TPO: variants seen among roughly 807,000 people sequenced by gnomAD.
TPO encodes the protein thyroid microsomal antigen.
In TPO, 78 loss-of-function variants were observed where a neutral mutation model predicts 96.9. The observed-to-expected ratio is 0.81, with a 90% CI of 0.67 to 0.97. The LOEUF (loss-of-function observed/expected upper bound fraction) is 0.97, where lower values mean the gene tolerates loss of function less well. Among genes scored for constraint, TPO ranks in the 50% least tolerant of loss-of-function variants. The pLI is 0.00. For synonymous variants in TPO, 547 were observed against 538.0 expected (o/e 1.02, Z -0.23); for missense variants, 1,252 against 1,274.8 (o/e 0.98, Z 0.27).
In TPO at chr2:1,496,729, C is replaced by A; in HGVS notation, c.2350C>A (p.Gln784Lys). The A allele has an allele frequency of 1.2e-6, 2 of 1,614,110 alleles. No individual in the cohort carries two copies. Among genetic ancestry groups the A allele is most frequent in the Non-Finnish European group, 1.7e-6 (2 of 1,180,024 alleles). Residue 784 changes from glutamine to lysine, a missense_variant, in exon 13 of 17, where the codon CAG (glutamine) becomes AAG (lysine). Transcript: ENST00000329066. Reference protein sequence around the residue: ...LQGREQLTCTQEGWDFQPPLC... With the variant: ...LQGREQLTCTKEGWDFQPPLC... Reference sequence around the variant, plus strand: ...AGGCCGGGAGCAGCTCACTTGCACCCAGGAAGGATGGGATTTCCAGCCTCC... The same window carrying A: ...AGGCCGGGAGCAGCTCACTTGCACCAAGGAAGGATGGGATTTCCAGCCTCC...
At chr2:1,418,638 C>T (rs943359520) in intron 2 of TPO, among the ~76,000 whole-genome samples, 9 of 152,230 alleles carry the variant, frequency 5.9e-5, no homozygotes, top group Admixed American at 1.3e-4. Context: ...GTGTATTCAT[C>T]ACCACACAGG....
intron 3 of TPO, among the ~76,000 whole-genome samples, chr2:1,426,872 A>C (rs1664467847): frequency 1.3e-5 from 2 of 152,230 alleles, no homozygotes; most frequent in African/African-American, 4.8e-5. Flanking sequence ...TTTCTAAATA[A>C]TAATATCCAA....
rs1013395098 is a variant in TPO, at chr2:1,433,480, G to A, written c.222G>A (p.Leu74=). 1.2e-6 allele frequency: 2 copies of A among 1,614,078 alleles called. No homozygotes were observed. The highest frequency in any genetic ancestry group is 1.7e-6 in the Non-Finnish European group (2 of 1,180,038). ...KRGILSPAQL[L]SFSKLPEPTS... ...GAATCCTTTCTCCAGCTCAGCTTCT[G>A]TCTTTTTCCAAACTTCCTGAGCCAA... The change falls in exon 4 of 17, where the codon CTG becomes CTA. Residue 74 remains leucine (L), a synonymous_variant. Transcript: ENST00000329066.
chr2:1,403,240 C>T (rs1348926786), intron 1 of TPO, among the ~76,000 whole-genome samples: 2 of 152,150 alleles, frequency 1.3e-5, no homozygotes, highest in Admixed American at 1.3e-4. Context: ...GTCCGGGGTG[C>T]AGGGCAAGGC....
Position 1,472,827 on chromosome 2 carries a change from C to CAAAAAAAA in TPO, c.820-4242_820-4235dup, listed in dbSNP as rs34064729. Among the ~76,000 whole-genome samples the CAAAAAAAA allele has an allele frequency of 5.4e-4, 26 of 48,334 alleles. 2 individuals are homozygous for CAAAAAAAA. The highest frequency in any genetic ancestry group is 1.3e-3 in the South Asian group (1 of 772). The allele number at this position is 48,334 out of a possible 152,430, so 31.7% of individuals were successfully genotyped here. A position where few individuals can be genotyped will look rare whatever the true frequency, so the allele number is the denominator to read the frequency against. ...TCATTTTTTTCTGCTTGTTTGGCGGCAAAAAAAAAAAAAAAAAAAAAAAAG... is the reference window on the plus strand; with the variant it reads ...TCATTTTTTTCTGCTTGTTTGGCGGCAAAAAAAAAAAAAAAAAAAAAAAAAAAAAAAAG... On this transcript the variant is annotated intron_variant, in intron 7 of 16. Transcript: ENST00000329066.
chr2:1,514,122 C>T (rs11891867), intron 14 of TPO, among the ~76,000 whole-genome samples: 27,674 of 152,044 alleles, frequency 0.18, 2,603 homozygotes, highest in African/African-American at 0.23. Flanking sequence ...GCTGGCGGGG[C>T]AGTTCCAGTC....
rs564167142 is a variant in TPO, at chr2:1,398,201, A to C, written n.180+23799A>C. 2.0e-5 allele frequency among the ~76,000 whole-genome samples: 3 copies of C among 152,256 alleles called. No individual in the cohort carries two copies. In the East Asian group the frequency reaches 5.8e-4, roughly 29 times the overall value. ...TGTCTTTTCCCCACTCTCTGCTGGC[A>C]TCTCCCCATCAGTCCTAGGGGAACC... is the stretch of plus-strand genomic sequence containing the variant. On this transcript the variant is annotated intron_variant and non_coding_transcript_variant, in intron 1 of 5. Transcript: ENST00000497517.
rs759174386 is a variant in TPO, at chr2:1,477,196, G to A, written c.930G>A (p.Thr310=). 5 of 1,609,824 alleles carry A rather than the reference G, an allele frequency of 3.1e-6. No homozygotes were observed. Among genetic ancestry groups the A allele is most frequent in the African/African-American group, 1.3e-5 (1 of 74,902 alleles). The stretch of plus-strand genomic sequence containing the variant: ...GCGCGCTCTTTGGGAACCTGTCCAC[G>A]GCCAACCCGCGGCAGCAGATGAACG... ...DQGALFGNLS[T]ANPRQQMNGL... is the part of the protein sequence containing the mutation. Residue 310 remains threonine, a synonymous_variant, in exon 8 of 17, where the codon ACG becomes ACA. Coordinates refer to ENST00000329066, the MANE Select transcript of TPO (RefSeq NM_001206744.2).
At chr2:1,429,126 C>T (rs1425064178) in intron 3 of TPO, among the ~76,000 whole-genome samples, 2 of 152,070 alleles carry the variant, frequency 1.3e-5, no homozygotes, top group Admixed American at 6.5e-5. Flanking sequence ...AGTGATTTGC[C>T]CCATCCCGTT....
intron 2 of TPO, among the ~76,000 whole-genome samples, chr2:1,422,309 C>CGTGCAGGTGCCGCG (rs1663662764): frequency 1.9e-5 from 2 of 105,778 alleles, no homozygotes; most frequent in South Asian, 7.3e-4. Flanking sequence ...AGGCGCCTCT[C>CGTGCAGGTGCCGCG]CTGGACAGAC....
chr2:1,381,320 C>A (rs1403167708), intron 1 of TPO, among the ~76,000 whole-genome samples: 1 of 152,126 alleles, frequency 6.6e-6, no homozygotes. Context: ...AAGAAAAAAA[C>A]AACCCCATCA....
chr2:1,383,073 G>A (rs1034788833), intron 1 of TPO, among the ~76,000 whole-genome samples: 36 of 151,976 alleles, frequency 2.4e-4, no homozygotes, highest in Non-Finnish European at 4.4e-4. Context: ...TTTTATGGCC[G>A]CATAGTATTC....
intron 5 of TPO, among the ~76,000 whole-genome samples, chr2:1,437,157 A>C (rs1665658850): frequency 6.6e-6 from 1 of 152,190 alleles, no homozygotes; most frequent in Non-Finnish European, 1.5e-5. Flanking sequence ...CAGGGTAGAG[A>C]AGAGGGCTTT....
chr2:1,378,023 A>T (rs1661748777), intron 1 of TPO, among the ~76,000 whole-genome samples: 1 of 152,186 alleles, frequency 6.6e-6, no homozygotes, highest in Non-Finnish European at 1.5e-5. Flanking sequence ...AAGTCTCACA[A>T]GATCTGATGG....
In TPO at chr2:1,427,703, G is replaced by A. The variant is rs549058550; in HGVS notation, c.179+4574G>A. ...CTGTGGGTCCGGGAGACCAGAGGCCGAGGAACCAAATGCTCCCATCAGTCT... is the reference window on the plus strand; with the variant it reads ...CTGTGGGTCCGGGAGACCAGAGGCCAAGGAACCAAATGCTCCCATCAGTCT... On this transcript the variant is annotated intron_variant, in intron 3 of 16. Transcript: ENST00000329066. Among the ~76,000 whole-genome samples the A allele has an allele frequency of 1.2e-3, 188 of 152,308 alleles. 1 individual carries two copies. Among genetic ancestry groups the A allele is most frequent in the African/African-American group, 4.4e-3 (184 of 41,574 alleles).
intron 5 of TPO, among the ~76,000 whole-genome samples, chr2:1,452,592 T>A (rs1335003120): frequency 6.6e-6 from 1 of 152,194 alleles, no homozygotes; most frequent in Non-Finnish European, 1.5e-5. Flanking sequence ...TGGGAACAGT[T>A]TTGCCATAGG....
intron 1 of TPO, among the ~76,000 whole-genome samples, chr2:1,394,220 G>A (rs1369688351): frequency 1.3e-5 from 2 of 152,182 alleles, no homozygotes; most frequent in Non-Finnish European, 2.9e-5. Flanking sequence ...TAAAGCTAAA[G>A]TTTACAGGAA....
chr2:1,475,650 C>T (rs1368943713), intron 7 of TPO, among the ~76,000 whole-genome samples: 2 of 152,140 alleles, frequency 1.3e-5, no homozygotes, highest in Non-Finnish European at 2.9e-5. Context: ...GTCTCGATCT[C>T]CTGACCTCGT....
intron 14 of TPO, among the ~76,000 whole-genome samples, chr2:1,504,603 C>G (rs1178154398): frequency 6.6e-6 from 1 of 152,250 alleles, no homozygotes; most frequent in African/African-American, 2.4e-5. Context: ...CTGCACTCAG[C>G]TCAGGGACAG....
Sources: allele counts gnomAD v4.1 joint callset (sites outside exome capture counted in the v4.1 genomes callset), GRCh38; gene constraint gnomAD v4.1.1; transcripts MANE v1.5; gene names NCBI Gene and HGNC (gene_info 2026-07-23, HGNC 2026-07-21).